The following ZNF106 variants were observed in gnomAD, a reference collection of about 807,000 sequenced individuals.
The protein encoded by ZNF106 is SH3-domain binding protein 3.
Under a neutral mutation model 195.1 loss-of-function variants are expected in ZNF106, and 67 were observed. The ratio of observed to expected loss-of-function variants is 0.34; its 90% CI spans 0.28 to 0.42. The LOEUF is 0.42. Ranked by LOEUF, ZNF106 falls within the 10% of genes least tolerant of loss-of-function variation. The pLI, the probability that ZNF106 is intolerant of heterozygous loss-of-function variation, is 1.00. For missense variants in ZNF106, 2,118 were observed against 2,304.5 expected (o/e 0.92, Z 1.66); for synonymous variants, 784 against 818.6 (o/e 0.96, Z 0.72).
At chr15:42,462,320 A>G (rs7169615) in intron 3 of ZNF106, among the ~76,000 whole-genome samples, 57,080 of 152,140 alleles carry the variant, frequency 0.38, 13,489 homozygotes, top group African/African-American at 0.67. Context: ...TGTATAGGCC[A>G]GGCGCGGTGG....
At chr15:42,455,680 G>A (rs557555574) in intron 4 of ZNF106, among the ~76,000 whole-genome samples, 3 of 151,998 alleles carry the variant, frequency 2.0e-5, no homozygotes, top group South Asian at 2.1e-4. Flanking sequence ...CGTTCCTCCC[G>A]GCAAAAAAAC....
At chr15:42,444,610 T>C (rs1363088668) in intron 8 of ZNF106, among the ~76,000 whole-genome samples, 1 of 151,934 alleles carries the variant, frequency 6.6e-6, no homozygotes, top group Non-Finnish European at 1.5e-5. Flanking sequence ...ACTCTGTAAG[T>C]AAGCTCTCCT....
Position 42,444,877 on chromosome 15 carries a change from G to T in ZNF106, c.3310C>A (p.Leu1104Ile). 6.2e-7 allele frequency: 1 copy of T among 1,614,168 alleles called. No homozygotes were observed. Among genetic ancestry groups the T allele is most frequent in the African/African-American group, 1.3e-5 (1 of 75,036 alleles). ...TGAACTTCCACATAAGCTGTCTGAA[G>T]GGCTGCACGGGCTTGCAGAAGATTG... ...DNNLLQARAALQTAYVEVQRL... is the reference protein window; with the variant it reads ...DNNLLQARAAIQTAYVEVQRL... Residue 1104 changes from leucine to isoleucine, a missense_variant, in exon 8 of 22, where the codon CTT becomes ATT. Coordinates refer to ENST00000564754, the MANE Select transcript of ZNF106 (RefSeq NM_001366845.3).
chr15:42,486,083 G>A (rs1329405873), intron 1 of ZNF106, among the ~76,000 whole-genome samples: 7 of 149,870 alleles, frequency 4.7e-5, no homozygotes, highest in Non-Finnish European at 8.9e-5. Context: ...TCAGCCTCCC[G>A]AGTAGCTGGG....
At chr15:42,438,490 T>C (rs2055371032) in intron 12 of ZNF106, 122 bp downstream of exon 12, 1 of 828,420 alleles carries the variant, frequency 1.2e-6, no homozygotes, top group Non-Finnish European at 1.9e-6. Flanking sequence ...ATCCTCTTGG[T>C]GATAAACCCC....
In ZNF106 at chr15:42,419,228, C is replaced by T. The variant is rs572563948; in HGVS notation, c.5518-1277G>A. ...ACTGAAAATACAAAAATCAGCCAGG[C>T]GTGTGGCATGTGCCTGTAATCTCAG... On this transcript the variant is annotated intron_variant, in intron 20 of 21. Coordinates refer to ENST00000564754, the MANE Select transcript of ZNF106 (RefSeq NM_001366845.3). 1.4e-4 allele frequency among the ~76,000 whole-genome samples: 22 copies of T among 152,038 alleles called. No homozygotes were observed. In the East Asian group the frequency reaches 3.3e-3, roughly 23 times the overall value.
At chr15:42,438,491 G>A (rs2055371188) in intron 12 of ZNF106, 121 bp downstream of exon 12, 1 of 852,982 alleles carries the variant, frequency 1.2e-6, no homozygotes. Flanking sequence ...TCCTCTTGGT[G>A]ATAAACCCCT....
chr15:42,441,050 C>T (rs1220633609), intron 10 of ZNF106, among the ~76,000 whole-genome samples: 3 of 85,674 alleles, frequency 3.5e-5, no homozygotes, highest in African/African-American at 7.6e-5. Context: ...TATATATATG[C>T]TAAGTCACGC....
chr15:42,459,626 G>T (rs2056337738), intron 3 of ZNF106, among the ~76,000 whole-genome samples: 2 of 152,136 alleles, frequency 1.3e-5, no homozygotes, highest in Non-Finnish European at 1.5e-5. Context: ...AACACACAAA[G>T]AAGTTAATTA....
chr15:42,430,834 A>C (rs949309927), intron 14 of ZNF106, among the ~76,000 whole-genome samples: 1 of 151,350 alleles, frequency 6.6e-6, no homozygotes, highest in African/African-American at 2.4e-5. Flanking sequence ...ATAATTTTTT[A>C]CAGGTTTGTA....
At chr15:42,487,744 T>C (rs1340650415) in intron 1 of ZNF106, among the ~76,000 whole-genome samples, 1 of 152,182 alleles carries the variant, frequency 6.6e-6, no homozygotes, top group Non-Finnish European at 1.5e-5. Context: ...CATAACTACT[T>C]GCATCTTGCA....
At chr15:42,470,943 A>C (rs2056651427) in intron 2 of ZNF106, among the ~76,000 whole-genome samples, 1 of 152,160 alleles carries the variant, frequency 6.6e-6, no homozygotes, top group South Asian at 2.1e-4. Flanking sequence ...TTCCATCACT[A>C]ACAGAAATCT....
chr15:42,442,753 A>T (rs2055603330), intron 9 of ZNF106, among the ~76,000 whole-genome samples: 1 of 151,130 alleles, frequency 6.6e-6, no homozygotes, highest in South Asian at 2.1e-4. Flanking sequence ...AGCAGCTGGG[A>T]TTATAGGCAC....
chr15:42,433,327 G>A (rs923958104), intron 14 of ZNF106, among the ~76,000 whole-genome samples: 3 of 151,860 alleles, frequency 2.0e-5, no homozygotes, highest in Non-Finnish European at 2.9e-5. Context: ...GGGTGGTCCC[G>A]ATCTCCTGAC....
In ZNF106 at chr15:42,451,126, A is replaced by G; in HGVS notation, c.1146T>C (p.Asp382=). The part of the protein sequence containing the change: ...WTPYPSQKTL[D]LQSGLKDITG... Reference sequence around the variant, plus strand: ...TGATGTCTTTCAATCCCGACTGTAAATCCAGAGTCTTCTGAGAAGGGTAAG... The same window carrying G: ...TGATGTCTTTCAATCCCGACTGTAAGTCCAGAGTCTTCTGAGAAGGGTAAG... The change falls in exon 5 of 22, where the codon GAT becomes GAC. Residue 382 remains aspartate (D), a synonymous_variant. Transcript: ENST00000564754. 2.5e-6 allele frequency: 4 copies of G among 1,614,178 alleles called. No individual in the cohort carries two copies. The highest frequency in any genetic ancestry group is 3.4e-6 in the Non-Finnish European group (4 of 1,180,040).
chr15:42,456,253 G>A (rs569924182), intron 4 of ZNF106, among the ~76,000 whole-genome samples: 7 of 152,190 alleles, frequency 4.6e-5, no homozygotes, highest in South Asian at 4.2e-4. Flanking sequence ...TTGGCGATAC[G>A]ACTATACTAT....
chr15:42,485,959 TC>T (rs1282652631), intron 1 of ZNF106, among the ~76,000 whole-genome samples: 1 of 138,400 alleles, frequency 7.2e-6, no homozygotes, highest in Non-Finnish European at 1.6e-5. Flanking sequence ...TATTACTCTT[TC>T]TTTTTTTTTT....
chr15:42,466,174 C>G, intron 2 of ZNF106, 60 bp from the exon 3 acceptor site: 1 of 1,322,038 alleles, frequency 7.6e-7, no homozygotes, highest in Non-Finnish European at 1.0e-6. Flanking sequence ...AAAAAAAACT[C>G]CTCTGTTCCT....
In ZNF106 at chr15:42,417,796, C is replaced by G. The variant is rs544963897; in HGVS notation, c.5664+9G>C. The G allele has an allele frequency of 7.5e-5, 120 of 1,610,342 alleles. No individual in the cohort carries two copies. The highest frequency in any genetic ancestry group is 9.8e-5 in the Non-Finnish European group (116 of 1,178,392). On this transcript the variant is annotated intron_variant, in intron 21 of 21. Coordinates refer to ENST00000564754, the MANE Select transcript of ZNF106 (RefSeq NM_001366845.3). ...AATCCCAGGCAAACCTCAAGTCCCA[C>G]TAATGTACCTGTTTGGATCCTTTCC...
Sources: allele counts gnomAD v4.1 joint callset (sites outside exome capture counted in the v4.1 genomes callset), GRCh38; gene constraint gnomAD v4.1.1; transcripts MANE v1.5; gene names NCBI Gene and HGNC (gene_info 2026-07-23, HGNC 2026-07-21).